The following TRARG1 variants were observed in gnomAD, a reference collection of about 807,000 sequenced individuals.
TRARG1 encodes the protein trafficking regulator of GLUT4 (SLC2A4) 1 (gene/pseudogene).
A neutral mutation model predicts 13.3 loss-of-function variants in TRARG1; 16 were observed. The observed-to-expected ratio is 1.20, with a 90% confidence interval of 0.81 to 1.83. The LOEUF (loss-of-function observed/expected upper bound fraction) is 1.83, where lower values mean the gene tolerates loss of function less well. Among genes scored for constraint, TRARG1 ranks in the 40% most tolerant of loss-of-function variants. The pLI is 0.00. For missense variants in TRARG1, 250 were observed against 237.4 expected, an observed-to-expected ratio of 1.05 and a Z score of -0.35; for synonymous variants, 113 against 106.2, an observed-to-expected ratio of 1.06 and a Z score of -0.39.
intron 1 of TRARG1, among the ~76,000 whole-genome samples, chr17:1,293,217 G>C (rs1211536969): frequency 1.4e-5 from 2 of 147,744 alleles, no homozygotes; most frequent in African/African-American, 5.1e-5. Context: ...CCGGGAGGTG[G>C]AGCTTGCAGT....
chr17:1,298,215 G>A, intron 2 of TRARG1, 36 bp from the exon 3 acceptor site: 1 of 1,613,658 alleles, frequency 6.2e-7, no homozygotes, highest in Non-Finnish European at 8.5e-7. Flanking sequence ...AGTGTTCTGA[G>A]CCCTGTTCTG....
rs1567927070 is a variant in TRARG1 at position 1,279,949 on chromosome 17, C to T, written c.-53C>T. 1 of 1,561,442 alleles carries T rather than the reference C, an allele frequency of 6.4e-7. No individual in the cohort carries two copies. The highest frequency in any genetic ancestry group is 1.2e-5 in the South Asian group (1 of 81,888). The stretch of plus-strand genomic sequence containing the variant: ...TGGGGAATGGCGCGCTGAGGTCCCT[C>T]CAGAGCCCCTTGTCCCAGCCTGGAG... On this transcript the variant is annotated 5_prime_UTR_variant, in exon 1 of 3. Coordinates refer to ENST00000333813, the MANE Select transcript of TRARG1 (RefSeq NM_172367.3).
intron 1 of TRARG1, among the ~76,000 whole-genome samples, chr17:1,281,909 T>C (rs1007496554): frequency 5.9e-5 from 9 of 151,918 alleles, no homozygotes; most frequent in Admixed American, 5.2e-4. Context: ...CCTGCCCCAG[T>C]GAGTTTCTAT....
intron 1 of TRARG1, among the ~76,000 whole-genome samples, chr17:1,282,799 C>T (rs892353804): frequency 5.9e-5 from 9 of 152,158 alleles, no homozygotes; most frequent in African/African-American, 1.7e-4. Context: ...ATGCAATTCT[C>T]CTGCCTCAGC....
At chr17:1,284,720 G>A (rs535636346) in intron 1 of TRARG1, among the ~76,000 whole-genome samples, 3 of 151,746 alleles carry the variant, frequency 2.0e-5, no homozygotes, top group South Asian at 2.1e-4. Context: ...TTGCTCTGTC[G>A]CCCAGGCTGG....
At chr17:1,290,326 C>T (rs1282642315) in intron 1 of TRARG1, among the ~76,000 whole-genome samples, 3 of 152,106 alleles carry the variant, frequency 2.0e-5, no homozygotes, top group Non-Finnish European at 4.4e-5. Context: ...GATGGAGTTT[C>T]GCTCTGTTGC....
chr17:1,286,439 CGGCCTGTG>C (rs1567929806), intron 1 of TRARG1, among the ~76,000 whole-genome samples: 13 of 97,780 alleles, frequency 1.3e-4, no homozygotes, highest in African/African-American at 5.3e-4. Flanking sequence ...GTGTTGTTGT[CGGCCTGTG>C]AGTTGTTATC....
intron 2 of TRARG1, among the ~76,000 whole-genome samples, chr17:1,297,398 C>T (rs1216024650): frequency 6.6e-6 from 1 of 151,956 alleles, no homozygotes; most frequent in Admixed American, 6.6e-5. Flanking sequence ...TCAGCGTGCC[C>T]AGCTTCAGAA....
chr17:1,282,063 T>C (rs1248078884), intron 1 of TRARG1, among the ~76,000 whole-genome samples: 1 of 17,868 alleles, frequency 5.6e-5, no homozygotes, highest in African/African-American at 1.5e-4. Context: ...TATGTACATG[T>C]ATACACATAT....
In TRARG1 at chr17:1,280,329, G is replaced by A. The variant is rs752350080; in HGVS notation, c.328G>A (p.Val110Ile). Reference sequence around the variant, plus strand: ...CAGAGATTACCTCATCCTGGCCGTCGTCGCCTGCTTCTGCCCCGTCTGGCC... The same window carrying A: ...CAGAGATTACCTCATCCTGGCCGTCATCGCCTGCTTCTGCCCCGTCTGGCC... ...APRDYLILAV[V>I]ACFCPVWPLN... Residue 110 changes from valine to isoleucine, a missense_variant, in exon 1 of 3, where the codon GTC becomes ATC. Transcript: ENST00000333813. The A allele has an allele frequency of 2.2e-5, 35 of 1,613,218 alleles. No individual in the cohort carries two copies. The highest frequency in any genetic ancestry group is 3.3e-5 in the Admixed American group (2 of 59,908).
At chr17:1,290,852 C>A (rs1336291164) in intron 1 of TRARG1, among the ~76,000 whole-genome samples, 1 of 151,882 alleles carries the variant, frequency 6.6e-6, no homozygotes, top group Admixed American at 6.6e-5. Flanking sequence ...GGGGTGGTTA[C>A]CCCCACGCTG....
rs1361196068 is a variant in TRARG1 at position 1,298,987 on chromosome 17, C to T, written c.*723C>T. 6.6e-6 allele frequency: 1 copy of T among 152,282 alleles called. No homozygotes were observed. 9.4% of individuals were successfully genotyped at this position (152,282 alleles called of 1,614,324 possible). A position where few individuals can be genotyped will look rare whatever the true frequency, so the allele number is the denominator to read the frequency against. On this transcript the variant is annotated 3_prime_UTR_variant, in exon 3 of 3. Coordinates refer to ENST00000333813, the MANE Select transcript of TRARG1 (RefSeq NM_172367.3). ...CGCCTCTTCCCACACCTGTCAGCTT[C>T]GGAAGCATCTCTCGAGGACTCTGGT...
chr17:1,284,847 A>AT (rs1296171323), intron 1 of TRARG1, among the ~76,000 whole-genome samples: 1 of 151,632 alleles, frequency 6.6e-6, no homozygotes, highest in Non-Finnish European at 1.5e-5. Context: ...CACCCTGCTA[A>AT]TTTTTTGTAT....
chr17:1,282,037 C>T (rs904431785), intron 1 of TRARG1, among the ~76,000 whole-genome samples: 3 of 108,030 alleles, frequency 2.8e-5, no homozygotes, highest in African/African-American at 5.8e-5. Flanking sequence ...TACATATATA[C>T]ACACATATGT....
chr17:1,291,327 T>C (rs1173257129), intron 1 of TRARG1, among the ~76,000 whole-genome samples: 3 of 152,088 alleles, frequency 2.0e-5, no homozygotes, highest in African/African-American at 7.2e-5. Context: ...GCCAGGCTGG[T>C]CTTAAACTCC....
chr17:1,295,695 C>A, intron 2 of TRARG1, 72 bp downstream of exon 2: 1 of 1,490,150 alleles, frequency 6.7e-7, no homozygotes, highest in South Asian at 1.3e-5. Context: ...GTGTACCCAG[C>A]CTCAGGGGCA....
intron 1 of TRARG1, among the ~76,000 whole-genome samples, chr17:1,281,251 C>T (rs550466295): frequency 2.0e-5 from 3 of 152,040 alleles, no homozygotes; most frequent in African/African-American, 4.8e-5. Flanking sequence ...CAGGAAGAAG[C>T]GAGAGTTATG....
chr17:1,289,593 CCAGA>C (rs1470481312), intron 1 of TRARG1, among the ~76,000 whole-genome samples: 17 of 151,148 alleles, frequency 1.1e-4, no homozygotes, highest in African/African-American at 4.1e-4. Context: ...CTTGTGCTTC[CCAGA>C]TGCTGCCCCT....
At chr17:1,293,943 G>A (rs2072092772) in intron 1 of TRARG1, among the ~76,000 whole-genome samples, 1 of 152,152 alleles carries the variant, frequency 6.6e-6, no homozygotes, top group Non-Finnish European at 1.5e-5. Context: ...GAGGCTAAAG[G>A]AGGTAATCTA....
Sources: gnomAD v4.1 joint callset for allele counts (sites outside exome capture counted in the v4.1 genomes callset) on GRCh38, gnomAD v4.1.1 for gene constraint, MANE v1.5 for transcripts, NCBI Gene and HGNC (gene_info 2026-07-23, HGNC 2026-07-21) for gene names.